The following CADM2 variants were observed in gnomAD, a reference collection of about 807,000 sequenced individuals.
CADM2 encodes cell adhesion molecule 2.
Under a neutral mutation model 49.8 loss-of-function variants are expected in CADM2, and 12 were observed. That is an observed-to-expected ratio of 0.24 (90% CI 0.15 to 0.39). The LOEUF is 0.39. Among genes scored for constraint, CADM2 ranks in the 10% least tolerant of loss-of-function variants. CADM2 has a pLI of 1.00. For synonymous variants in CADM2, 214 were observed against 175.4 expected, an observed-to-expected ratio of 1.22 and a Z score of -1.74; for missense variants, 378 against 492.3, an observed-to-expected ratio of 0.77 and a Z score of 2.20.
At chr3:85,011,902 A>T (rs935815486) in intron 1 of CADM2, among the ~76,000 whole-genome samples, 4 of 152,126 alleles carry the variant, frequency 2.6e-5, no homozygotes, top group African/African-American at 7.2e-5. Flanking sequence ...AAAACTTAAG[A>T]TATGTATGAA....
intron 3 of CADM2, among the ~76,000 whole-genome samples, chr3:85,880,862 CT>C (rs1156359630): frequency 2.0e-5 from 3 of 152,106 alleles, no homozygotes; most frequent in Non-Finnish European, 2.9e-5. Flanking sequence ...ATATAGAGTT[CT>C]TTGGGGTTTT....
At chr3:85,874,886 A>G (rs1056735601) in intron 3 of CADM2, among the ~76,000 whole-genome samples, 3 of 152,172 alleles carry the variant, frequency 2.0e-5, no homozygotes, top group African/African-American at 7.2e-5. Flanking sequence ...AATTTTGATG[A>G]CTATCTGTTA....
intron 8 of CADM2, among the ~76,000 whole-genome samples, chr3:86,035,372 A>G (rs1304185414): frequency 6.6e-6 from 1 of 151,968 alleles, no homozygotes; most frequent in African/African-American, 2.4e-5. Flanking sequence ...GCTGACCTAG[A>G]TGTTTGTTCT....
chr3:85,210,883 G>A (rs2041762035), intron 1 of CADM2, among the ~76,000 whole-genome samples: 1 of 152,076 alleles, frequency 6.6e-6, no homozygotes, highest in Non-Finnish European at 1.5e-5. Context: ...TAAATGTTTG[G>A]TAAAATTCAG....
intron 4 of CADM2, among the ~76,000 whole-genome samples, chr3:85,884,244 T>A (rs549501348): frequency 6.6e-6 from 1 of 152,262 alleles, no homozygotes; most frequent in East Asian, 1.9e-4. Context: ...AAGATTGATT[T>A]TTTTCCCCCA....
intron 9 of CADM2, 25 bp from the exon 10 acceptor site, chr3:86,066,640 C>T (rs1739376795): frequency 1.3e-6 from 2 of 1,502,134 alleles, no homozygotes; most frequent in East Asian, 2.3e-5. Flanking sequence ...ACAGAGCTAA[C>T]ATATTTTTCT....
intron 1 of CADM2, among the ~76,000 whole-genome samples, chr3:85,243,570 C>T (rs981506419): frequency 2.0e-5 from 3 of 152,056 alleles, no homozygotes; most frequent in Middle Eastern, 3.4e-3. Flanking sequence ...TGCTCTTCAA[C>T]GTAATTTTGC....
At chr3:85,076,534 G>C (rs1398214888) in intron 1 of CADM2, among the ~76,000 whole-genome samples, 2 of 151,750 alleles carry the variant, frequency 1.3e-5, no homozygotes, top group Non-Finnish European at 2.9e-5. Flanking sequence ...TTTTAGTAGA[G>C]ACTGGTTTTG....
chr3:85,692,144 TAA>T (rs1258290360), intron 1 of CADM2, among the ~76,000 whole-genome samples: 2 of 151,856 alleles, frequency 1.3e-5, no homozygotes, highest in Non-Finnish European at 2.9e-5. Context: ...AAAATTAAAT[TAA>T]AAAAAGAGAT....
chr3:85,838,749 A>G (rs1317030352), intron 3 of CADM2, among the ~76,000 whole-genome samples: 1 of 151,718 alleles, frequency 6.6e-6, no homozygotes, highest in East Asian at 1.9e-4. Flanking sequence ...TTTATACAAT[A>G]TATAAAATAC....
intron 1 of CADM2, among the ~76,000 whole-genome samples, chr3:85,119,618 C>T (rs560419362): frequency 8.6e-5 from 13 of 152,010 alleles, no homozygotes; most frequent in Non-Finnish European, 1.6e-4. Context: ...GATATTGATT[C>T]TTCCTATCCA....
In CADM2 at chr3:85,548,399, C is replaced by T. The variant is rs943018332; in HGVS notation, c.62-178123C>T. ...GAAACTGTTTTAGCCTGTGGCTTTG[C>T]CTAAGGATAAATGTGTGCCACCCTG... On this transcript the variant is annotated intron_variant, in intron 1 of 9. Transcript: ENST00000383699. Among the ~76,000 whole-genome samples the T allele has an allele frequency of 1.3e-4, 19 of 151,522 alleles. 1 individual carries two copies. Among genetic ancestry groups the T allele is most frequent in the African/African-American group, 4.6e-4 (19 of 41,322 alleles).
At chr3:86,013,445 A>G in intron 8 of CADM2, 1 of 1,582,656 alleles carries the variant, frequency 6.3e-7, no homozygotes, top group Admixed American at 1.7e-5. Flanking sequence ...ATAACTTTCA[A>G]GCACTGCTGG....
intron 1 of CADM2, among the ~76,000 whole-genome samples, chr3:85,165,961 C>T (rs1190286045): frequency 1.3e-5 from 2 of 151,518 alleles, no homozygotes; most frequent in Non-Finnish European, 3.0e-5. Flanking sequence ...CATCTTAAAT[C>T]TATCTAGTAT....
At chr3:85,858,149 G>A (rs561535938) in intron 3 of CADM2, among the ~76,000 whole-genome samples, 2 of 152,208 alleles carry the variant, frequency 1.3e-5, no homozygotes, top group African/African-American at 4.8e-5. Flanking sequence ...GCTATGGGAC[G>A]GTCTAGTGTC....
chr3:85,583,086 T>C (rs193132448), intron 1 of CADM2, among the ~76,000 whole-genome samples: 1 of 152,270 alleles, frequency 6.6e-6, no homozygotes, highest in African/African-American at 2.4e-5. Flanking sequence ...TATTATTTAC[T>C]ATACGTTAGG....
intron 1 of CADM2, among the ~76,000 whole-genome samples, chr3:85,339,090 G>C (rs2045170558): frequency 6.6e-6 from 1 of 151,502 alleles, no homozygotes; most frequent in Non-Finnish European, 1.5e-5. Flanking sequence ...ACTGTGCAAA[G>C]TATTTAACTC....
intron 1 of CADM2, among the ~76,000 whole-genome samples, chr3:85,061,498 T>C (rs781575401): frequency 1.4e-4 from 21 of 152,188 alleles, no homozygotes; most frequent in Non-Finnish European, 2.6e-4. Flanking sequence ...TAAGTCAAAA[T>C]AGGACAGACA....
At chr3:85,569,278 C>T (rs1369003269) in intron 1 of CADM2, among the ~76,000 whole-genome samples, 7 of 152,036 alleles carry the variant, frequency 4.6e-5, no homozygotes, top group African/African-American at 1.2e-4. Context: ...CACCTATCAG[C>T]GGCTTGTTTC....
Sources: gnomAD v4.1 joint callset for allele counts (sites outside exome capture counted in the v4.1 genomes callset) on GRCh38, gnomAD v4.1.1 for gene constraint, MANE v1.5 for transcripts, NCBI Gene and HGNC (gene_info 2026-07-23, HGNC 2026-07-21) for gene names.